The following BNIP2 variants were observed in gnomAD, a reference collection of about 807,000 sequenced individuals.
BNIP2 encodes BCL2 interacting protein 2, also known as BCL2/adenovirus E1B 19 kDa protein-interacting protein 2.
BNIP2 carries 36 observed loss-of-function variants against 43.4 expected under a neutral mutation model. The ratio of observed to expected loss-of-function variants is 0.83; its 90% CI spans 0.64 to 1.10. BNIP2 has a LOEUF of 1.10. Ranked by LOEUF, BNIP2 falls within the 50% of genes least tolerant of loss-of-function variation. The pLI is 0.00. For synonymous variants in BNIP2, 146 were observed against 121.0 expected (o/e 1.21, Z -1.35); for missense variants, 417 against 374.1 (o/e 1.11, Z -0.95).
chr15:59,672,873 T>C (rs1347593234), intron 5 of BNIP2, 134 bp from the exon 6 acceptor site: 1 of 601,006 alleles, frequency 1.7e-6, no homozygotes, highest in Non-Finnish European at 2.9e-6. Context: ...GTATGTTTTG[T>C]AAATCTTATA....
At position 59,672,546 on chromosome 15, in the gene BNIP2, T is replaced by A. The variant is rs1170196040; in HGVS notation, c.575+91A>T. 15 of 944,264 alleles carry A rather than the reference T, an allele frequency of 1.6e-5. No homozygotes were observed. The Admixed American group carries it at 3.7e-4, about 23-fold the overall frequency. 58.5% of individuals were successfully genotyped at this position (944,264 alleles called of 1,614,324 possible). Reference sequence around the variant, plus strand: ...TTCAGTCTCCCAAAGAACTGGAATATTTATAATTTTTGAAAAGGTTAAGTT... The same window carrying A: ...TTCAGTCTCCCAAAGAACTGGAATAATTATAATTTTTGAAAAGGTTAAGTT... On this transcript the variant is annotated intron_variant, in intron 6 of 9. Coordinates refer to ENST00000607373, the MANE Select transcript of BNIP2 (RefSeq NM_004330.4).
At chr15:59,678,248 C>T in intron 4 of BNIP2, 161 bp from the exon 5 acceptor site, 4 of 1,368,416 alleles carry the variant, frequency 2.9e-6, no homozygotes, top group Non-Finnish European at 3.8e-6. Context: ...TTATTCTTAA[C>T]ATGAGGCTGT....
intron 9 of BNIP2, among the ~76,000 whole-genome samples, chr15:59,667,004 A>G (rs1471083548): frequency 6.6e-6 from 1 of 152,212 alleles, no homozygotes; most frequent in Non-Finnish European, 1.5e-5. Context: ...AAATCTATGA[A>G]GCAGCTGGCT....
intron 1 of BNIP2, among the ~76,000 whole-genome samples, chr15:59,686,968 G>C (rs1215863693): frequency 6.6e-6 from 1 of 152,220 alleles, no homozygotes; most frequent in Non-Finnish European, 1.5e-5. Context: ...AGTGAGCCGA[G>C]ATTGCGCCAT....
intron 9 of BNIP2, among the ~76,000 whole-genome samples, chr15:59,665,948 T>C (rs2085011459): frequency 6.8e-6 from 1 of 146,970 alleles, no homozygotes; most frequent in Admixed American, 6.9e-5. Flanking sequence ...TTTTAAAATA[T>C]TTAAAATATT....
intron 2 of BNIP2, among the ~76,000 whole-genome samples, chr15:59,681,856 T>C (rs1346500580): frequency 1.3e-5 from 2 of 152,084 alleles, no homozygotes; most frequent in African/African-American, 4.8e-5. Context: ...CAAACCACAC[T>C]AAAACACTTT....
At chr15:59,677,750 C>A (rs1351807033) in intron 5 of BNIP2, 161 bp downstream of exon 5, 7 of 1,171,238 alleles carry the variant, frequency 6.0e-6, no homozygotes, top group Non-Finnish European at 6.7e-6. Context: ...CCTCCAGGAA[C>A]TGGTTAGCAG....
rs1488086540 is a variant in BNIP2 at position 59,682,481 on chromosome 15, C to G, written c.-24G>C. The G allele has an allele frequency of 6.2e-7, 1 of 1,613,348 alleles. No homozygotes were observed. Among genetic ancestry groups the G allele is most frequent in the Non-Finnish European group, 8.5e-7 (1 of 1,179,730 alleles). On this transcript the variant is annotated 5_prime_UTR_variant, in exon 2 of 10. Transcript: ENST00000607373. ...ATCCTCAGCCTGGATTCAATGTCAA[C>G]TACAAACTCTTGATAATCCAGGGAG...
intron 4 of BNIP2, chr15:59,678,900 A>G: frequency 2.3e-6 from 3 of 1,288,306 alleles, no homozygotes; most frequent in Non-Finnish European, 3.1e-6. Context: ...GTATCTTTAC[A>G]AAGTATTGCT....
chr15:59,675,332 C>A (rs532875680), intron 5 of BNIP2, among the ~76,000 whole-genome samples: 1 of 146,582 alleles, frequency 6.8e-6, no homozygotes, highest in African/African-American at 2.5e-5. Context: ...GTTTTAGGGC[C>A]GGGCACGGTG....
chr15:59,669,448 A>T (rs1566958669), intron 7 of BNIP2, 86 bp from the exon 8 acceptor site: 3 of 930,218 alleles, frequency 3.2e-6, no homozygotes, highest in South Asian at 4.2e-5. Context: ...ACAAAATAAT[A>T]GTTGAAAAAT....
intron 1 of BNIP2, among the ~76,000 whole-genome samples, chr15:59,686,533 C>T (rs1203983411): frequency 7.9e-5 from 12 of 152,166 alleles, no homozygotes; most frequent in Admixed American, 3.9e-4. Context: ...CAGATGGAAA[C>T]GCCCGGGCAA....
intron 5 of BNIP2, 93 bp downstream of exon 5, chr15:59,677,818 G>T: frequency 6.9e-7 from 1 of 1,439,986 alleles, no homozygotes. Flanking sequence ...TCTGTACAGG[G>T]CTTATTTACT....
intron 7 of BNIP2, among the ~76,000 whole-genome samples, chr15:59,670,826 C>T (rs1187566095): frequency 6.6e-6 from 1 of 152,184 alleles, no homozygotes; most frequent in Non-Finnish European, 1.5e-5. Flanking sequence ...GTAATCCCAG[C>T]ACTTCAGGAG....
chr15:59,674,789 G>A (rs1245315380), intron 5 of BNIP2, among the ~76,000 whole-genome samples: 2 of 152,132 alleles, frequency 1.3e-5, no homozygotes, highest in Non-Finnish European at 1.5e-5. Flanking sequence ...ATGTGCCTAG[G>A]TTAACTTCTA....
intron 9 of BNIP2, among the ~76,000 whole-genome samples, chr15:59,666,380 G>C (rs1441676422): frequency 6.6e-6 from 1 of 152,134 alleles, no homozygotes; most frequent in Non-Finnish European, 1.5e-5. Context: ...GTAAAGTTTG[G>C]TTTAGGCTGG....
At chr15:59,667,348 T>C (rs1469159295) in intron 9 of BNIP2, among the ~76,000 whole-genome samples, 2 of 152,252 alleles carry the variant, frequency 1.3e-5, no homozygotes, top group Non-Finnish European at 2.9e-5. Context: ...AACTATGTTT[T>C]GCTAATTTAA....
rs1194833756 is a variant in BNIP2 at position 59,662,334 on chromosome 15, T to TA, written c.*1734dup. On this transcript the variant is annotated 3_prime_UTR_variant, in exon 10 of 10. Coordinates refer to ENST00000607373, the MANE Select transcript of BNIP2 (RefSeq NM_004330.4). ...GAAGGAATGCCTAACTTGTTATTGT[T>TA]AGTTTGCTTCTTCAACAACAAGTGT... The TA allele has an allele frequency of 2.0e-5, 3 of 152,246 alleles. No homozygotes were observed. The highest frequency in any genetic ancestry group is 2.0e-4 in the Admixed American group (3 of 15,286). The allele number at this position is 152,246 out of a possible 1,614,324, so 9.4% of individuals were successfully genotyped here. A position where few individuals can be genotyped will look rare whatever the true frequency, so the allele number is the denominator to read the frequency against.
At position 59,663,893 on chromosome 15, in the gene BNIP2, C is replaced by T. The variant is rs557472058; in HGVS notation, c.*176G>A. 3.4e-5 allele frequency: 14 copies of T among 414,800 alleles called. No individual in the cohort carries two copies. The highest frequency in any genetic ancestry group is 2.2e-4 in the Admixed American group (5 of 22,598). The allele number at this position is 414,800 out of a possible 1,614,324, so 25.7% of individuals were successfully genotyped here. A position where few individuals can be genotyped will look rare whatever the true frequency, so the allele number is the denominator to read the frequency against. On this transcript the variant is annotated 3_prime_UTR_variant, in exon 10 of 10. Coordinates refer to ENST00000607373, the MANE Select transcript of BNIP2 (RefSeq NM_004330.4). Reference sequence around the variant, plus strand: ...TAAAGAGCTAAATTCAAGAAATTTGCAAACCAGTACAGCAGTGAACAGTCC... The same window carrying T: ...TAAAGAGCTAAATTCAAGAAATTTGTAAACCAGTACAGCAGTGAACAGTCC...
Sources: gnomAD v4.1 joint callset for allele counts (sites outside exome capture counted in the v4.1 genomes callset) on GRCh38, gnomAD v4.1.1 for gene constraint, MANE v1.5 for transcripts, NCBI Gene and HGNC (gene_info 2026-07-23, HGNC 2026-07-21) for gene names.